STK40: variants seen among roughly 807,000 people sequenced by gnomAD.
STK40 encodes the protein serine/threonine-protein kinase 40.
STK40 carries 13 observed loss-of-function variants against 47.9 expected under a neutral mutation model. The observed-to-expected ratio is 0.27, with a 90% confidence interval of 0.18 to 0.43. STK40 has a LOEUF of 0.43. STK40 is among the 20% of genes least tolerant of loss of function. The pLI is 1.00. For synonymous variants in STK40, 225 were observed against 243.2 expected (o/e 0.93, Z 0.69); for missense variants, 460 against 595.1 (o/e 0.77, Z 2.36).
intron 7 of STK40, among the ~76,000 whole-genome samples, chr1:36,344,840 T>C (rs1646686441): frequency 6.6e-6 from 1 of 152,252 alleles, no homozygotes; most frequent in African/African-American, 2.4e-5. Context: ...TTCACCTCTC[T>C]GTGAGAGTTT....
At chr1:36,374,954 C>T (rs1646979348) in intron 1 of STK40, among the ~76,000 whole-genome samples, 1 of 152,182 alleles carries the variant, frequency 6.6e-6, no homozygotes, top group South Asian at 2.1e-4. Flanking sequence ...TAAGGCCTGC[C>T]ATGGGGTCCC....
intron 1 of STK40, among the ~76,000 whole-genome samples, chr1:36,376,746 T>G (rs1646995551): frequency 6.6e-6 from 1 of 152,142 alleles, no homozygotes; most frequent in South Asian, 2.1e-4. Flanking sequence ...TAATCCTACT[T>G]GGGTTAAAAA....
At chr1:36,347,616 A>G (rs992392242) in intron 7 of STK40, among the ~76,000 whole-genome samples, 1 of 152,146 alleles carries the variant, frequency 6.6e-6, no homozygotes, top group Admixed American at 6.5e-5. Context: ...GGAACTTGGA[A>G]ATCAGATCAG....
Position 36,355,422 on chromosome 1 carries a change from A to C in STK40, c.354T>G (p.Cys118Trp), listed in dbSNP as rs1646794796. The change falls in exon 5 of 11, where the codon TGT (cysteine) becomes TGG (tryptophan). Residue 118 changes from cysteine (C) to tryptophan (W), a missense_variant. By Grantham distance (215) the Cys-to-Trp change is radical. Around this residue, in one of 3 missense-constraint regions of STK40, gnomAD observed 277 missense variants for 358.7 expected, o/e 0.77. Transcript: ENST00000373132. ...HHHGLFQDRT[C>W]EIVEDTESSR... ...TGGATTCTGTGTCCTCAACGATTTC[A>C]CAGGTGCGGTCCTGGGAGGCAAGGG... 6.2e-7 allele frequency: 1 copy of C among 1,614,090 alleles called. No homozygotes were observed. The highest frequency in any genetic ancestry group is 8.5e-7 in the Non-Finnish European group (1 of 1,180,014).
At chr1:36,360,372 T>C (rs573498789) in intron 2 of STK40, among the ~76,000 whole-genome samples, 59 of 152,330 alleles carry the variant, frequency 3.9e-4, no homozygotes, top group African/African-American at 1.4e-3. Context: ...GCTGCTCCTC[T>C]GGCCAACTGC....
Position 36,358,827 on chromosome 1 carries a change from G to A in STK40, c.113-5C>T, listed in dbSNP as rs1461736135. The A allele has an allele frequency of 8.1e-6, 13 of 1,614,102 alleles. No homozygotes were observed. The highest frequency in any genetic ancestry group is 1.7e-5 in the Admixed American group (1 of 60,020). On this transcript the variant is annotated splice_polypyrimidine_tract_variant and splice_region_variant and intron_variant, in intron 2 of 10. Coordinates refer to ENST00000373132, the MANE Select transcript of STK40 (RefSeq NM_001282547.2). ...GTGAGTTGCCCAGACGGGGACCTAC[G>A]GCACAGAGAGCTGCTGGTCTACTTT...
intron 1 of STK40, among the ~76,000 whole-genome samples, chr1:36,369,786 G>A (rs78285495): frequency 0.036 from 5,444 of 152,274 alleles, 347 homozygotes; most frequent in African/African-American, 0.12. Context: ...CCAATCCACC[G>A]CTGCCTCCCT....
intron 1 of STK40, among the ~76,000 whole-genome samples, chr1:36,372,459 A>G (rs1646957326): frequency 6.6e-6 from 1 of 151,796 alleles, no homozygotes; most frequent in African/African-American, 2.4e-5. Context: ...GAAAGAAAGA[A>G]AAAGAAAAAA....
At chr1:36,368,341 G>C (rs562835979) in intron 1 of STK40, among the ~76,000 whole-genome samples, 2 of 152,042 alleles carry the variant, frequency 1.3e-5, no homozygotes, top group Admixed American at 6.5e-5. Flanking sequence ...GCTTCCACCT[G>C]CCAGGCCCAA....
chr1:36,358,329 C>G lies in STK40; in HGVS notation c.252G>C (p.Arg84=). ...CGGTGTGCAGCAGCATCTTGCCCTG[C>G]CGCTCTTCCTGGCTCTCTATGCCTT... ...GDQGIESQEE[R]QGKMLLHTEY... Residue 84 remains arginine, a synonymous_variant, in exon 4 of 11, where the codon CGG becomes CGC. Coordinates refer to ENST00000373132, the MANE Select transcript of STK40 (RefSeq NM_001282547.2). 1 of 1,610,138 alleles carries G rather than the reference C, an allele frequency of 6.2e-7. No homozygotes were observed. The highest frequency in any genetic ancestry group is 8.5e-7 in the Non-Finnish European group (1 of 1,176,664).
intron 6 of STK40, among the ~76,000 whole-genome samples, chr1:36,349,845 T>C (rs1052684776): frequency 2.0e-5 from 3 of 152,108 alleles, no homozygotes; most frequent in African/African-American, 7.2e-5. Context: ...TGAGGAAGGA[T>C]GCCTCTCTAC....
intron 1 of STK40, among the ~76,000 whole-genome samples, chr1:36,381,054 C>T (rs142589820): frequency 1.7e-4 from 26 of 152,270 alleles, no homozygotes; most frequent in Non-Finnish European, 2.6e-4. Flanking sequence ...CCAAACACTC[C>T]CAGAGTCCAG....
At chr1:36,368,846 T>G (rs1646922210) in intron 1 of STK40, among the ~76,000 whole-genome samples, 1 of 152,252 alleles carries the variant, frequency 6.6e-6, no homozygotes, top group Non-Finnish European at 1.5e-5. Flanking sequence ...TTCCTGAACT[T>G]GCAAATTGCA....
Position 36,341,816 on chromosome 1 carries a change from TC to T in STK40, c.1246del (p.Asp416ThrfsTer5), listed in dbSNP as rs1233476803. 1 of 1,613,344 alleles carries T rather than the reference TC, an allele frequency of 6.2e-7. No homozygotes were observed. ...SAPPVRRLGH[D>X]AQPMTSLDTA... ...GTCCAAGGAGGTCATGGGCTGTGCGTCGTGGCCCAGCCGTCGCACCGGTGGT... is the reference window on the plus strand; with the variant it reads ...GTCCAAGGAGGTCATGGGCTGTGCGTGTGGCCCAGCCGTCGCACCGGTGGT... On this transcript the variant is annotated frameshift_variant, in exon 11 of 11. Coordinates refer to ENST00000373132, the MANE Select transcript of STK40 (RefSeq NM_001282547.2). LOFTEE classifies it high-confidence loss of function.
At position 36,344,052 on chromosome 1, in the gene STK40, G is replaced by A. The variant is rs1646678032; in HGVS notation, c.884+68C>T. 8 of 1,589,270 alleles carry A rather than the reference G, an allele frequency of 5.0e-6. No individual in the cohort carries two copies. In the South Asian group the frequency reaches 9.1e-5, roughly 18 times the overall value. On this transcript the variant is annotated intron_variant, in intron 8 of 10. Transcript: ENST00000373132. ...TGTGGCCAGGATGCCCAGGCTCACT[G>A]TGCCGTTTCCCTGCCTTAAGCCCAT...
rs146245278 is a variant in STK40 at position 36,357,393 on chromosome 1, G to T, written c.342+846C>A. On this transcript the variant is annotated intron_variant, in intron 4 of 10. Transcript: ENST00000373132. ...AGGGCTCAGTGGATGCTCAGCTGAG[G>T]AATGGGGCTGTTCCCAAGCCTGTGA... is the stretch of plus-strand genomic sequence containing the variant. 6.6e-5 allele frequency among the ~76,000 whole-genome samples: 10 copies of T among 152,310 alleles called. 1 individual carries two copies. The highest frequency in any genetic ancestry group is 1.2e-4 in the Non-Finnish European group (8 of 68,026).
At chr1:36,369,639 CT>C (rs1244774527) in intron 1 of STK40, among the ~76,000 whole-genome samples, 3 of 152,206 alleles carry the variant, frequency 2.0e-5, no homozygotes, top group African/African-American at 7.2e-5. Context: ...AGAAGGCCTC[CT>C]GCCAAAGCTG....
intron 1 of STK40, among the ~76,000 whole-genome samples, chr1:36,380,355 A>G (rs979050954): frequency 2.0e-5 from 3 of 152,202 alleles, no homozygotes; most frequent in Non-Finnish European, 2.9e-5. Flanking sequence ...CCCTCACTAT[A>G]GTCCAATCCA....
chr1:36,342,882 A>AG, intron 10 of STK40: 1 of 400,362 alleles, frequency 2.5e-6, no homozygotes, highest in Non-Finnish European at 4.6e-6. Flanking sequence ...CCTGCCCTCC[A>AG]GGGGGCACCC....
Sources: gnomAD v4.1 joint callset for allele counts (sites outside exome capture counted in the v4.1 genomes callset) on GRCh38, gnomAD v4.1.1 for gene constraint, gnomAD v4.1.1 regional missense constraint, MANE v1.5 for transcripts, NCBI Gene and HGNC (gene_info 2026-07-23, HGNC 2026-07-21) for gene names.